STIM1: variants seen among roughly 807,000 people sequenced by gnomAD.
STIM1 encodes the protein stromal interaction molecule 1.
In STIM1, 25 loss-of-function variants were observed where a neutral mutation model predicts 74.7. The ratio of observed to expected loss-of-function variants is 0.33; its 90% CI spans 0.24 to 0.47. The LOEUF (loss-of-function observed/expected upper bound fraction) is 0.47. Ranked by LOEUF, STIM1 falls within the 20% of genes least tolerant of loss-of-function variation. The probability of loss-of-function intolerance (pLI) is 1.00; values close to 1 mark genes in which losing one functional copy is unlikely to be tolerated. For missense variants in STIM1, 728 were observed against 920.8 expected, an observed-to-expected ratio of 0.79 and a Z score of 2.71; for synonymous variants, 328 against 348.8, an observed-to-expected ratio of 0.94 and a Z score of 0.66.
At chr11:4,063,938 C>T (rs1189581179) in intron 5 of STIM1, among the ~76,000 whole-genome samples, 3 of 152,132 alleles carry the variant, frequency 2.0e-5, no homozygotes, top group Admixed American at 2.0e-4. Context: ...CTGTTCCTTC[C>T]TGGTGTCTGC....
chr11:4,073,725 A>G (rs893089522), intron 6 of STIM1, among the ~76,000 whole-genome samples: 18 of 152,168 alleles, frequency 1.2e-4, no homozygotes. Context: ...AATGTGTGTG[A>G]CGGTGCAAGG....
At chr11:4,058,078 G>A (rs2094304766) in intron 4 of STIM1, among the ~76,000 whole-genome samples, 1 of 152,150 alleles carries the variant, frequency 6.6e-6, no homozygotes, top group South Asian at 2.1e-4. Flanking sequence ...GAAATAGACT[G>A]TAGAAAAGAC....
chr11:3,895,720 TTCTTTCTTTCTTTCTTTTTCTTTC>T (rs1565105217), intron 1 of STIM1, among the ~76,000 whole-genome samples: 3 of 39,820 alleles, frequency 7.5e-5, no homozygotes, highest in African/African-American at 5.0e-4. Flanking sequence ...CTTTCTTTCT[TTCTTTCTTTCTTTCTTTTTCTTTC>T]TTCCTTCCTT....
chr11:4,015,147 A>G (rs1235570324), intron 2 of STIM1, among the ~76,000 whole-genome samples: 8 of 152,246 alleles, frequency 5.3e-5, no homozygotes, highest in African/African-American at 1.2e-4. Context: ...CATAGCATCA[A>G]TGGTCTTTAC....
intron 1 of STIM1, among the ~76,000 whole-genome samples, chr11:3,952,951 C>A (rs2093167172): frequency 6.6e-6 from 1 of 152,154 alleles, no homozygotes; most frequent in Admixed American, 6.5e-5. Context: ...TTATTGAGGT[C>A]AAGGCCTGCT....
rs547252076 is a variant in STIM1, at chr11:4,007,719, C to G, written c.271-16154C>G. Among the ~76,000 whole-genome samples the G allele has an allele frequency of 1.7e-4, 26 of 152,290 alleles. No individual in the cohort carries two copies. In the South Asian group the frequency reaches 4.8e-3, roughly 28 times the overall value. On this transcript the variant is annotated intron_variant, in intron 2 of 12. Coordinates refer to ENST00000526596, the MANE Select transcript of STIM1 (RefSeq NM_001382567.1). ...TTAATATCTGAATTGTGCTTTCAAA[C>G]TCAGTACTTTAGTGTACAACAGGAA...
chr11:3,900,404 C>G (rs954048357), intron 1 of STIM1, among the ~76,000 whole-genome samples: 1 of 152,188 alleles, frequency 6.6e-6, no homozygotes. Context: ...GGCAATGCCT[C>G]GCCCTGCTTC....
chr11:4,037,189 G>T (rs2094111051), intron 3 of STIM1, among the ~76,000 whole-genome samples: 2 of 151,878 alleles, frequency 1.3e-5, no homozygotes, highest in Non-Finnish European at 2.9e-5. Context: ...CTGAGTAGCT[G>T]GAATTACAGG....
chr11:4,041,812 CCT>C (rs2094150204), intron 3 of STIM1, among the ~76,000 whole-genome samples: 1 of 152,122 alleles, frequency 6.6e-6, no homozygotes, highest in African/African-American at 2.4e-5. Context: ...GTCTTGAACT[CCT>C]GGCCTCAAGT....
rs1420434341 is a variant in STIM1, at chr11:4,091,822, G to A, written c.*24G>A. Reference sequence around the variant, plus strand: ...AGGCAGGATGGGGTGGCAGTAAAGGGACAGCTTGTCCTTCCCTGGGTGTTC... The same window carrying A: ...AGGCAGGATGGGGTGGCAGTAAAGGAACAGCTTGTCCTTCCCTGGGTGTTC... On this transcript the variant is annotated 3_prime_UTR_variant, in exon 13 of 13. Coordinates refer to ENST00000526596, the MANE Select transcript of STIM1 (RefSeq NM_001382567.1). The A allele has an allele frequency of 6.2e-7, 1 of 1,600,088 alleles. No individual in the cohort carries two copies. The highest frequency in any genetic ancestry group is 1.7e-4 in the Middle Eastern group (1 of 6,022).
At chr11:3,885,862 T>C (rs1164554513) in intron 1 of STIM1, among the ~76,000 whole-genome samples, 1 of 152,134 alleles carries the variant, frequency 6.6e-6, no homozygotes, top group Non-Finnish European at 1.5e-5. Context: ...GGTGTCAAAC[T>C]CCTGGGCTCA....
intron 2 of STIM1, among the ~76,000 whole-genome samples, chr11:4,003,898 T>TA (rs1409532780): frequency 8.6e-5 from 13 of 151,862 alleles, no homozygotes; most frequent in African/African-American, 1.2e-4. Context: ...AGTCTCAGGA[T>TA]AAAAAAAATC....
At chr11:4,040,515 C>T (rs1467215006) in intron 3 of STIM1, among the ~76,000 whole-genome samples, 1 of 152,242 alleles carries the variant, frequency 6.6e-6, no homozygotes, top group East Asian at 1.9e-4. Flanking sequence ...TGTGTTCCCA[C>T]AGCCCCTATC....
At chr11:4,029,931 T>C (rs562831688) in intron 3 of STIM1, among the ~76,000 whole-genome samples, 230 of 152,296 alleles carry the variant, frequency 1.5e-3, no homozygotes, top group Non-Finnish European at 2.6e-3. Flanking sequence ...TCTGGTAAAA[T>C]TGGTTTTGTT....
rs546127393 is a variant in STIM1 at position 3,901,302 on chromosome 11, A to G, written c.139+44893A>G. Among the ~76,000 whole-genome samples the G allele has an allele frequency of 5.9e-5, 9 of 152,336 alleles. No homozygotes were observed. In the East Asian group the frequency reaches 1.7e-3, roughly 29 times the overall value. On this transcript the variant is annotated intron_variant, in intron 1 of 12. Transcript: ENST00000526596. ...GGAAAAGCTAGGAGGCTTTAATATG[A>G]TAAGGAAAGGTATACAGGGTTTTCT... is the stretch of plus-strand genomic sequence containing the variant.
chr11:4,075,821 A>G (rs1485996760), intron 7 of STIM1, among the ~76,000 whole-genome samples: 2 of 152,232 alleles, frequency 1.3e-5, no homozygotes, highest in African/African-American at 4.8e-5. Context: ...TGCCACAACA[A>G]TGTAAGAGAA....
At chr11:3,920,794 T>A (rs1187516040) in intron 1 of STIM1, among the ~76,000 whole-genome samples, 1 of 151,256 alleles carries the variant, frequency 6.6e-6, no homozygotes, top group Non-Finnish European at 1.5e-5. Flanking sequence ...TTTTTTTTTA[T>A]TTTTTTTAAT....
Position 3,892,902 on chromosome 11 carries a change from G to C in STIM1, c.139+36493G>C, listed in dbSNP as rs149158605. The C allele has an allele frequency of 7.8e-4, 1,096 of 1,406,890 alleles. 12 individuals carry two copies. The African/African-American group carries it at 0.015, about 19-fold the overall frequency. 87.2% of individuals were successfully genotyped at this position (1,406,890 alleles called of 1,614,324 possible). ...GGGTTAACCACGGCTGATAGTACGG[G>C]GCTCCCGGCAGCAGCAGCATCTGCA... On this transcript the variant is annotated intron_variant, in intron 1 of 12. Coordinates refer to ENST00000526596, the MANE Select transcript of STIM1 (RefSeq NM_001382567.1).
At chr11:3,879,890 T>C (rs1430306260) in intron 1 of STIM1, among the ~76,000 whole-genome samples, 1 of 152,194 alleles carries the variant, frequency 6.6e-6, no homozygotes, top group Non-Finnish European at 1.5e-5. Flanking sequence ...CTTAGGTACT[T>C]CTCAGTGGCA....
Sources: allele counts gnomAD v4.1 joint callset (sites outside exome capture counted in the v4.1 genomes callset), GRCh38; gene constraint gnomAD v4.1.1; transcripts MANE v1.5; gene names NCBI Gene and HGNC (gene_info 2026-07-23, HGNC 2026-07-21).